CPNE4: variants seen among roughly 807,000 people sequenced by gnomAD.
CPNE4 encodes the protein copine 4, also known as copine-4.
Under a neutral mutation model 67.9 loss-of-function variants are expected in CPNE4, and 25 were observed. The observed-to-expected ratio is 0.37, with a 90% CI of 0.27 to 0.51. The LOEUF (loss-of-function observed/expected upper bound fraction) is 0.51. Ranked by LOEUF, CPNE4 falls within the 20% of genes least tolerant of loss-of-function variation. The pLI, the probability that CPNE4 is intolerant of heterozygous loss-of-function variation, is 0.93. For missense variants in CPNE4, 464 were observed against 690.8 expected (o/e 0.67, Z 3.68); for synonymous variants, 242 against 244.9 (o/e 0.99, Z 0.11).
chr3:131,757,195 T>A (rs1457840979), intron 2 of CPNE4, among the ~76,000 whole-genome samples: 2 of 152,134 alleles, frequency 1.3e-5, no homozygotes, highest in Admixed American at 6.5e-5. Flanking sequence ...CTGGAACAGT[T>A]TGAAGGGCTG....
chr3:131,854,272 C>CA (rs939827488), intron 2 of CPNE4, among the ~76,000 whole-genome samples: 2 of 151,492 alleles, frequency 1.3e-5, no homozygotes, highest in South Asian at 2.1e-4. Flanking sequence ...AGTGGCCAAA[C>CA]AAAAAAGAGT....
At chr3:131,843,471 A>G (rs10512826) in intron 2 of CPNE4, among the ~76,000 whole-genome samples, 1 of 152,134 alleles carries the variant, frequency 6.6e-6, no homozygotes, top group African/African-American at 2.4e-5. Flanking sequence ...GAGCGTTTAC[A>G]TTGAAAGTGT....
At chr3:131,975,822 C>T (rs2072634910) in intron 1 of CPNE4, among the ~76,000 whole-genome samples, 3 of 151,784 alleles carry the variant, frequency 2.0e-5, no homozygotes. Flanking sequence ...CAGAACTTAT[C>T]CAACAAATAT....
intron 1 of CPNE4, among the ~76,000 whole-genome samples, chr3:132,024,721 G>T (rs1022442466): frequency 6.6e-6 from 1 of 152,138 alleles, no homozygotes; most frequent in South Asian, 2.1e-4. Flanking sequence ...ACATGATAGG[G>T]TCTCAATAAA....
At chr3:131,863,070 G>T (rs1415512785) in intron 2 of CPNE4, among the ~76,000 whole-genome samples, 3 of 151,968 alleles carry the variant, frequency 2.0e-5, no homozygotes, top group Admixed American at 1.3e-4. Flanking sequence ...AGTATTCCAT[G>T]GTGTATATGT....
intron 1 of CPNE4, among the ~76,000 whole-genome samples, chr3:131,958,609 C>CTTTTTTTTTTTTTTTTTTTTTTTT (rs748126986): frequency 1.0e-5 from 1 of 96,032 alleles, no homozygotes; most frequent in African/African-American, 5.0e-5. Context: ...TCTTTCTTTT[C>CTTTTTTTTTTTTTTTTTTTTTTTT]TTTTTTTTTT....
chr3:131,600,284 A>G (rs188594684), intron 7 of CPNE4, among the ~76,000 whole-genome samples: 2 of 152,244 alleles, frequency 1.3e-5, no homozygotes, highest in East Asian at 3.9e-4. Context: ...GCCCTTAGCT[A>G]TTATTAGCCT....
chr3:131,641,334 A>T (rs1359666776), intron 7 of CPNE4, among the ~76,000 whole-genome samples: 1 of 152,126 alleles, frequency 6.6e-6, no homozygotes, highest in Non-Finnish European at 1.5e-5. Flanking sequence ...AAAAAATCCC[A>T]TCAAAAAGTA....
At chr3:131,724,367 G>A (rs1458640294) in intron 2 of CPNE4, among the ~76,000 whole-genome samples, 1 of 152,064 alleles carries the variant, frequency 6.6e-6, no homozygotes, top group African/African-American at 2.4e-5. Flanking sequence ...GTTCCTTTCT[G>A]CTCTAACATT....
chr3:132,032,563 G>A (rs1275044431), intron 1 of CPNE4, among the ~76,000 whole-genome samples: 1 of 152,196 alleles, frequency 6.6e-6, no homozygotes, highest in Non-Finnish European at 1.5e-5. Context: ...AGAGATAGTT[G>A]AGAAAATGTT....
At chr3:131,573,965 C>T (rs1161848019) in intron 10 of CPNE4, among the ~76,000 whole-genome samples, 1 of 152,054 alleles carries the variant, frequency 6.6e-6, no homozygotes, top group Non-Finnish European at 1.5e-5. Context: ...GAGATTAGGG[C>T]AGAGGATACT....
intron 2 of CPNE4, among the ~76,000 whole-genome samples, chr3:131,852,934 A>G (rs1042932099): frequency 4.6e-5 from 7 of 151,738 alleles, no homozygotes; most frequent in African/African-American, 7.2e-5. Flanking sequence ...GGTGAAAACT[A>G]TAAGTAACTG....
At chr3:131,651,896 A>G (rs116751212) in intron 7 of CPNE4, among the ~76,000 whole-genome samples, 4 of 152,110 alleles carry the variant, frequency 2.6e-5, no homozygotes, top group Admixed American at 2.6e-4. Flanking sequence ...CTGGGATGAT[A>G]AAGTTGTTGG....
Position 131,535,028 on chromosome 3 carries a change from G to A in CPNE4, c.*167C>T, listed in dbSNP as rs907584476. 7 of 583,516 alleles carry A rather than the reference G, an allele frequency of 1.2e-5. No homozygotes were observed. The highest frequency in any genetic ancestry group is 1.9e-5 in the African/African-American group (1 of 52,326). The allele number at this position is 583,516 out of a possible 1,614,324, so 36.1% of individuals were successfully genotyped here. ...GGGCTTAACAGATCCAGGCCTCAGG[G>A]CTACACATGCAAAAAAAATTGTCAG... On this transcript the variant is annotated 3_prime_UTR_variant, in exon 16 of 16. Coordinates refer to ENST00000429747, the MANE Select transcript of CPNE4 (RefSeq NM_130808.3).
intron 1 of CPNE4, among the ~76,000 whole-genome samples, chr3:131,922,952 A>G (rs1363231730): frequency 6.6e-6 from 1 of 152,194 alleles, no homozygotes; most frequent in African/African-American, 2.4e-5. Flanking sequence ...AAGATAAATA[A>G]TTATTATAGA....
chr3:131,768,176 T>C (rs1372533392), intron 2 of CPNE4, among the ~76,000 whole-genome samples: 1 of 152,102 alleles, frequency 6.6e-6, no homozygotes, highest in Admixed American at 6.6e-5. Context: ...CGGGAACATT[T>C]GCACCCACTC....
chr3:131,797,248 T>C (rs1181361173), intron 2 of CPNE4, among the ~76,000 whole-genome samples: 2 of 152,156 alleles, frequency 1.3e-5, no homozygotes, highest in Non-Finnish European at 2.9e-5. Flanking sequence ...TTTTCTCAGA[T>C]TTAATATTTT....
chr3:131,624,293 G>A (rs1371464929), intron 7 of CPNE4, among the ~76,000 whole-genome samples: 1 of 152,090 alleles, frequency 6.6e-6, no homozygotes, highest in Non-Finnish European at 1.5e-5. Flanking sequence ...TTAGAACATA[G>A]CTTTCTCATT....
intron 7 of CPNE4, among the ~76,000 whole-genome samples, chr3:131,655,557 T>C (rs1216848499): frequency 6.6e-6 from 1 of 152,088 alleles, no homozygotes; most frequent in Non-Finnish European, 1.5e-5. Context: ...ATAGCTGTCA[T>C]GAAAGGTTTT....
Sources: allele counts gnomAD v4.1 joint callset (sites outside exome capture counted in the v4.1 genomes callset), GRCh38; gene constraint gnomAD v4.1.1; transcripts MANE v1.5; gene names NCBI Gene and HGNC (gene_info 2026-07-23, HGNC 2026-07-21).